The following MEGF10 variants were observed in gnomAD, a reference collection of about 807,000 sequenced individuals.
MEGF10 encodes multiple EGF like domains 10, also known as multiple epidermal growth factor-like domains protein 10.
MEGF10 carries 86 observed loss-of-function variants against 147.5 expected under a neutral mutation model. That is an observed-to-expected ratio of 0.58 (90% CI 0.49 to 0.70). The LOEUF (loss-of-function observed/expected upper bound fraction) is 0.70, where lower values mean the gene tolerates loss of function less well. MEGF10 is among the 30% of genes least tolerant of loss of function. The probability of loss-of-function intolerance (pLI) is 0.00; values close to 1 mark genes in which losing one functional copy is unlikely to be tolerated. For missense variants in MEGF10, 1,329 were observed against 1,487.3 expected, an observed-to-expected ratio of 0.89 and a Z score of 1.75; for synonymous variants, 478 against 525.5, an observed-to-expected ratio of 0.91 and a Z score of 1.24.
the MEGF10 span, among the ~76,000 whole-genome samples, chr5:127,282,058 A>G: frequency 1.1e-4 from 17 of 152,320 alleles, no homozygotes; most frequent in African/African-American, 3.6e-4. Flanking sequence ...TGGGGAGAGT[A>G]AATCTGCCTG....
chr5:127,297,691 T>C (rs1759567779), intron 1 of MEGF10, among the ~76,000 whole-genome samples: 1 of 152,210 alleles, frequency 6.6e-6, no homozygotes, highest in Non-Finnish European at 1.5e-5. Flanking sequence ...CATTTGAGAA[T>C]AATTTTATAA....
intron 13 of MEGF10, among the ~76,000 whole-genome samples, chr5:127,426,931 T>A (rs935409990): frequency 2.6e-5 from 4 of 152,192 alleles, no homozygotes; most frequent in Non-Finnish European, 5.9e-5. Flanking sequence ...ACTTGCATAT[T>A]CCCAGTCCCC....
chr5:127,368,791 C>T (rs1254003908), intron 4 of MEGF10, among the ~76,000 whole-genome samples: 1 of 151,932 alleles, frequency 6.6e-6, no homozygotes. Flanking sequence ...AAATATACAC[C>T]TTAGTGCATA....
chr5:127,429,675 C>T (rs113001912), intron 13 of MEGF10, among the ~76,000 whole-genome samples: 4 of 152,134 alleles, frequency 2.6e-5, no homozygotes, highest in East Asian at 1.9e-4. Flanking sequence ...TCCTCTTCCC[C>T]GCATCTCTGC....
intron 5 of MEGF10, among the ~76,000 whole-genome samples, chr5:127,380,260 T>C (rs1763199429): frequency 6.6e-6 from 1 of 152,140 alleles, no homozygotes. Flanking sequence ...GTGACAGATA[T>C]AAAAATGAGA....
intron 13 of MEGF10, among the ~76,000 whole-genome samples, chr5:127,426,722 A>T (rs552767470): frequency 5.3e-5 from 8 of 152,230 alleles, no homozygotes; most frequent in Non-Finnish European, 8.8e-5. Flanking sequence ...GATATACTTT[A>T]TAAAAGCATT....
At chr5:127,450,798 G>T (rs770875336) in intron 22 of MEGF10, among the ~76,000 whole-genome samples, 1 of 151,874 alleles carries the variant, frequency 6.6e-6, no homozygotes, top group African/African-American at 2.4e-5. Flanking sequence ...TCGCTCTGTC[G>T]TCTAGGCTGT....
At chr5:127,281,683 T>C in the MEGF10 span, among the ~76,000 whole-genome samples, 1 of 152,208 alleles carries the variant, frequency 6.6e-6, no homozygotes, top group African/African-American at 2.4e-5. Context: ...CTGCTGCTGC[T>C]GTGGTGCACA....
chr5:127,297,331 G>C (rs1759547734), intron 1 of MEGF10, among the ~76,000 whole-genome samples: 2 of 152,106 alleles, frequency 1.3e-5, no homozygotes, highest in African/African-American at 4.8e-5. Flanking sequence ...TTACCAAGAA[G>C]CTCTTGCCTT....
rs564040277 is a variant in MEGF10, at chr5:127,459,724, A to G, written c.*2406A>G. On this transcript the variant is annotated 3_prime_UTR_variant, in exon 25 of 25. Transcript: ENST00000503335. ...CTCTTTTTGACAAGTAAATCACTCCAGTTAGCTGATGTCCTGAAATGACAT... is the reference window on the plus strand; with the variant it reads ...CTCTTTTTGACAAGTAAATCACTCCGGTTAGCTGATGTCCTGAAATGACAT... 6.6e-6 allele frequency: 1 copy of G among 152,338 alleles called. No homozygotes were observed. Among genetic ancestry groups the G allele is most frequent in the East Asian group, 1.9e-4 (1 of 5,188 alleles). 9.4% of individuals were successfully genotyped at this position (152,338 alleles called of 1,614,324 possible).
intron 12 of MEGF10, 122 bp from the exon 13 acceptor site, chr5:127,422,548 C>A: frequency 1.4e-6 from 1 of 693,180 alleles, no homozygotes. Context: ...AGATACATCC[C>A]TGTAAGAAGC....
chr5:127,349,180 G>A (rs1320320948), intron 4 of MEGF10, among the ~76,000 whole-genome samples: 1 of 151,948 alleles, frequency 6.6e-6, no homozygotes. Context: ...AAATATGAAC[G>A]CTATAGATTT....
chr5:127,435,293 T>C (rs1765516252), intron 15 of MEGF10, 68 bp from the exon 16 acceptor site: 1 of 1,585,250 alleles, frequency 6.3e-7, no homozygotes, highest in African/African-American at 1.4e-5. Context: ...TTATTTCCTG[T>C]GCTAAGATTC....
At chr5:127,330,297 T>C (rs1761201534) in intron 1 of MEGF10, among the ~76,000 whole-genome samples, 1 of 152,162 alleles carries the variant, frequency 6.6e-6, no homozygotes. Flanking sequence ...CTAATGCCAC[T>C]CTGCACCATT....
the MEGF10 span, among the ~76,000 whole-genome samples, chr5:127,239,232 A>G: frequency 0.41 from 61,479 of 151,450 alleles, 12,857 homozygotes; most frequent in Middle Eastern, 0.54. Context: ...TCGGGGGGAA[A>G]AAACAGCTAT....
At chr5:127,410,215 A>G (rs1350726744) in intron 8 of MEGF10, among the ~76,000 whole-genome samples, 174 bp from the exon 9 acceptor site, 5 of 152,274 alleles carry the variant, frequency 3.3e-5, no homozygotes, top group Admixed American at 1.3e-4. Flanking sequence ...TACAATATGT[A>G]GCCAGAGTAA....
chr5:127,386,182 G>A (rs756287550), intron 5 of MEGF10, among the ~76,000 whole-genome samples: 1 of 152,158 alleles, frequency 6.6e-6, no homozygotes, highest in Admixed American at 6.5e-5. Context: ...TTTACACCTA[G>A]TACAGGTACA....
At chr5:127,276,757 G>A in the MEGF10 span, among the ~76,000 whole-genome samples, 17 of 152,220 alleles carry the variant, frequency 1.1e-4, no homozygotes, top group South Asian at 6.2e-4. Flanking sequence ...ATTTTAGTGG[G>A]AGAAAGACAT....
At position 127,333,516 on chromosome 5, in the gene MEGF10, AAAT is replaced by A. The variant is rs1353575133; in HGVS notation, c.116+2095_116+2097del. Reference sequence around the variant, plus strand: ...GACAGAGCGGACCCTGCCTCAAAAAAAATAAAAATAAAAATAAAAAAAGAGAGA... The same window carrying A: ...GACAGAGCGGACCCTGCCTCAAAAAAAAAAATAAAAATAAAAAAAGAGAGA... On this transcript the variant is annotated intron_variant, in intron 2 of 24. Coordinates refer to ENST00000503335, the MANE Select transcript of MEGF10 (RefSeq NM_001256545.2). Among the ~76,000 whole-genome samples, 104 of 106,288 alleles carry A rather than the reference AAAT, an allele frequency of 9.8e-4. 1 individual carries two copies. Among genetic ancestry groups the A allele is most frequent in the African/African-American group, 1.4e-3 (41 of 29,552 alleles). The allele number at this position is 106,288 out of a possible 152,430, so 69.7% of individuals were successfully genotyped here.
Sources: allele counts gnomAD v4.1 joint callset (sites outside exome capture counted in the v4.1 genomes callset), GRCh38; gene constraint gnomAD v4.1.1; transcripts MANE v1.5; gene names NCBI Gene and HGNC (gene_info 2026-07-23, HGNC 2026-07-21).